OCLN: variants seen among roughly 807,000 people sequenced by gnomAD.
OCLN encodes the protein occludin.
Under a neutral mutation model 47.9 loss-of-function variants are expected in OCLN, and 21 were observed. The ratio of observed to expected loss-of-function variants is 0.44; its 90% confidence interval spans 0.31 to 0.63. The LOEUF (loss-of-function observed/expected upper bound fraction) is 0.63. Among genes scored for constraint, OCLN ranks in the 30% least tolerant of loss-of-function variants. The pLI is 0.08. For missense variants in OCLN, 360 were observed against 571.0 expected (o/e 0.63, Z 3.77); for synonymous variants, 117 against 198.4 (o/e 0.59, Z 3.45).
Position 69,509,268 on chromosome 5 carries a change from TCTC to T in OCLN, c.183_185del (p.Pro62del), listed in dbSNP as rs771954645. On this transcript the variant is annotated inframe_deletion, in exon 3 of 9. Transcript: ENST00000396442. ...AATTCTTCACTTCTACAAATGGACC[TCTC>T]CTCCAGGAGTGATTCGGATCCTGTC... is the stretch of plus-strand genomic sequence containing the variant. The T allele has an allele frequency of 1.9e-6, 3 of 1,614,220 alleles. No homozygotes were observed. In the South Asian group the frequency reaches 3.3e-5, roughly 18 times the overall value.
At chr5:69,537,904 A>C (rs1457964525) in intron 5 of OCLN, among the ~76,000 whole-genome samples, 1 of 113,590 alleles carries the variant, frequency 8.8e-6, no homozygotes, top group Non-Finnish European at 1.8e-5. Context: ...CAGGGCCAAT[A>C]ACACACCCAG....
At chr5:69,508,298 C>T (rs1356596038) in intron 2 of OCLN, among the ~76,000 whole-genome samples, 1 of 152,120 alleles carries the variant, frequency 6.6e-6, no homozygotes, top group Non-Finnish European at 1.5e-5. Context: ...CCACCTCAGA[C>T]TCTCCACTGT....
intron 4 of OCLN, among the ~76,000 whole-genome samples, chr5:69,516,136 C>T (rs1768959637): frequency 6.6e-6 from 1 of 151,740 alleles, no homozygotes; most frequent in African/African-American, 2.4e-5. Context: ...TTTGGGAGGC[C>T]AAGGCAGGCG....
chr5:69,503,850 G>A (rs1768523147), intron 1 of OCLN, among the ~76,000 whole-genome samples: 1 of 151,954 alleles, frequency 6.6e-6, no homozygotes, highest in Admixed American at 6.6e-5. Flanking sequence ...GTGCTAGTGC[G>A]GCTATATGTG....
At chr5:69,499,669 C>G (rs1466567727) in intron 1 of OCLN, among the ~76,000 whole-genome samples, 1 of 152,106 alleles carries the variant, frequency 6.6e-6, no homozygotes, top group African/African-American at 2.4e-5. Flanking sequence ...ACTGCAACCT[C>G]CTCCTCCTGG....
At chr5:69,517,718 C>T (rs974669175) in intron 4 of OCLN, among the ~76,000 whole-genome samples, 9 of 152,056 alleles carry the variant, frequency 5.9e-5, no homozygotes, top group Non-Finnish European at 1.0e-4. Flanking sequence ...TTAGGAAAGC[C>T]AGGAAGGCTG....
intron 4 of OCLN, among the ~76,000 whole-genome samples, chr5:69,515,159 C>T (rs1205556835): frequency 6.8e-6 from 1 of 147,726 alleles, no homozygotes; most frequent in Non-Finnish European, 1.5e-5. Context: ...GGGGGCTGAC[C>T]CCCCCACCTC....
At chr5:69,500,544 G>T (rs1432622183) in intron 1 of OCLN, among the ~76,000 whole-genome samples, 1 of 152,008 alleles carries the variant, frequency 6.6e-6, no homozygotes, top group African/African-American at 2.4e-5. Context: ...GGGTTTACAG[G>T]CATGCACCAC....
At chr5:69,500,856 G>A (rs1768436893) in intron 1 of OCLN, among the ~76,000 whole-genome samples, 1 of 152,076 alleles carries the variant, frequency 6.6e-6, no homozygotes, top group Admixed American at 6.6e-5. Context: ...AGAATTTGGG[G>A]ATATTTGACA....
At chr5:69,510,199 C>G (rs1205131592) in intron 3 of OCLN, among the ~76,000 whole-genome samples, 1 of 151,904 alleles carries the variant, frequency 6.6e-6, no homozygotes, top group East Asian at 1.9e-4. Context: ...CTAGGTATTT[C>G]ATATAAATGG....
At chr5:69,530,977 A>C (rs1350666079) in intron 4 of OCLN, among the ~76,000 whole-genome samples, 3 of 152,268 alleles carry the variant, frequency 2.0e-5, no homozygotes, top group Admixed American at 1.3e-4. Flanking sequence ...CGAAGAGGAA[A>C]GCAGGAAACT....
intron 4 of OCLN, among the ~76,000 whole-genome samples, chr5:69,516,011 G>C (rs1768955263): frequency 1.3e-5 from 2 of 150,866 alleles, no homozygotes; most frequent in South Asian, 4.2e-4. Flanking sequence ...TCACTTTCCA[G>C]ACTGGGTAGC....
intron 7 of OCLN, among the ~76,000 whole-genome samples, chr5:69,549,727 T>A (rs183748): frequency 2.6e-5 from 4 of 151,864 alleles, no homozygotes; most frequent in African/African-American, 7.2e-5. Flanking sequence ...TCTTCTTGTT[T>A]ATTTGTTCCT....
intron 1 of OCLN, among the ~76,000 whole-genome samples, chr5:69,495,848 G>T (rs1768272895): frequency 6.6e-6 from 1 of 152,170 alleles, no homozygotes; most frequent in South Asian, 2.1e-4. Flanking sequence ...TGAACAGCAG[G>T]TGTCTGTTGT....
Position 69,509,410 on chromosome 5 carries a change from G to A in OCLN, c.320G>A (p.Gly107Glu), listed in dbSNP as rs757843945. Reference sequence around the variant, plus strand: ...GGAGGTAGTGTAGGCTACCCTTATGGAGGAAGTGGCTTTGGTAGCTACGGA... The same window carrying A: ...GGAGGTAGTGTAGGCTACCCTTATGAAGGAAGTGGCTTTGGTAGCTACGGA... The part of the protein sequence containing the change: ...LLGGSVGYPY[G>E]GSGFGSYGSG... The change falls in exon 3 of 9, where the codon GGA becomes GAA. Residue 107 changes from glycine (G) to glutamate (E), a missense_variant. Transcript: ENST00000396442. 6.2e-7 allele frequency: 1 copy of A among 1,614,206 alleles called. No individual in the cohort carries two copies. Among genetic ancestry groups the A allele is most frequent in the South Asian group, 1.1e-5 (1 of 91,084 alleles).
intron 1 of OCLN, among the ~76,000 whole-genome samples, chr5:69,496,192 G>A (rs541559669): frequency 4.0e-4 from 60 of 151,358 alleles, no homozygotes; most frequent in African/African-American, 1.3e-3. Context: ...TCCGCCTCCC[G>A]GGTTCACACC....
chr5:69,512,961 G>A (rs1479329077), intron 3 of OCLN, among the ~76,000 whole-genome samples: 1 of 152,084 alleles, frequency 6.6e-6, no homozygotes, highest in South Asian at 2.1e-4. Flanking sequence ...TAGACCTCTA[G>A]TATCTGTCTA....
At chr5:69,547,187 A>G (rs1416401064) in intron 6 of OCLN, among the ~76,000 whole-genome samples, 1 of 151,162 alleles carries the variant, frequency 6.6e-6, no homozygotes, top group Non-Finnish European at 1.5e-5. Context: ...TCTGAAAACT[A>G]TGGGTGGTAG....
At chr5:69,536,155 G>A (rs1326772416) in intron 5 of OCLN, among the ~76,000 whole-genome samples, 1 of 152,190 alleles carries the variant, frequency 6.6e-6, no homozygotes, top group African/African-American at 2.4e-5. Flanking sequence ...GGTACATCTT[G>A]TAAGGCACTT....
Sources: allele counts gnomAD v4.1 joint callset (sites outside exome capture counted in the v4.1 genomes callset), GRCh38; gene constraint gnomAD v4.1.1; transcripts MANE v1.5; gene names NCBI Gene and HGNC (gene_info 2026-07-23, HGNC 2026-07-21).